The following CCSER1 variants were observed in gnomAD, a reference collection of about 807,000 sequenced individuals.
The protein encoded by CCSER1 is serine-rich coiled-coil domain-containing protein 1.
In CCSER1, 41 loss-of-function variants were observed where a neutral mutation model predicts 82.0. The observed-to-expected ratio is 0.50, with a 90% CI of 0.39 to 0.65. The LOEUF (loss-of-function observed/expected upper bound fraction) is 0.65, where lower values mean the gene tolerates loss of function less well. CCSER1 is among the 30% of genes least tolerant of loss of function. CCSER1 has a pLI of 0.00. For synonymous variants in CCSER1, 414 were observed against 383.9 expected, an observed-to-expected ratio of 1.08 and a Z score of -0.92; for missense variants, 1,119 against 1,064.2, an observed-to-expected ratio of 1.05 and a Z score of -0.72.
At chr4:91,405,053 G>A (rs1752606273) in intron 10 of CCSER1, among the ~76,000 whole-genome samples, 1 of 152,120 alleles carries the variant, frequency 6.6e-6, no homozygotes, top group Admixed American at 6.6e-5. Flanking sequence ...GGTCTCTAAG[G>A]ACTTGGCTTA....
chr4:90,312,725 T>A, intron 2 of CCSER1, 138 bp from the exon 3 acceptor site: 1 of 670,488 alleles, frequency 1.5e-6, no homozygotes, highest in African/African-American at 1.8e-5. Context: ...ACTAAACTGA[T>A]GCTATACATT....
chr4:91,375,342 G>C lies in CCSER1; in HGVS notation c.2218-223230G>C, dbSNP rs75620311. Among the ~76,000 whole-genome samples, 4 of 152,248 alleles carry C rather than the reference G, an allele frequency of 2.6e-5. No individual in the cohort carries two copies. The East Asian group carries it at 7.7e-4, about 29-fold the overall frequency. On this transcript the variant is annotated intron_variant, in intron 10 of 10. Coordinates refer to ENST00000509176, the MANE Select transcript of CCSER1 (RefSeq NM_001145065.2). Reference sequence around the variant, plus strand: ...CGAAACATTGTTAAAATGACCAGAAGTAAATTAGAACATTACATAAACTTA... The same window carrying C: ...CGAAACATTGTTAAAATGACCAGAACTAAATTAGAACATTACATAAACTTA...
intron 10 of CCSER1, among the ~76,000 whole-genome samples, chr4:91,323,605 C>A (rs184147326): frequency 7.2e-5 from 11 of 152,148 alleles, no homozygotes; most frequent in Admixed American, 5.9e-4. Flanking sequence ...AGATATTTAC[C>A]TGAATTTCAA....
At chr4:91,216,082 C>T (rs2149091988) in intron 10 of CCSER1, among the ~76,000 whole-genome samples, 1 of 152,234 alleles carries the variant, frequency 6.6e-6, no homozygotes, top group East Asian at 1.9e-4. Flanking sequence ...TATTTGACAT[C>T]TCACCTCATT....
At chr4:91,048,577 GAGA>G (rs1235691160) in intron 9 of CCSER1, among the ~76,000 whole-genome samples, 2 of 152,052 alleles carry the variant, frequency 1.3e-5, no homozygotes, top group Non-Finnish European at 2.9e-5. Context: ...TACAATAAGA[GAGA>G]AGGTTTATAA....
At chr4:91,477,879 C>A (rs1757678500) in intron 10 of CCSER1, among the ~76,000 whole-genome samples, 1 of 151,644 alleles carries the variant, frequency 6.6e-6, no homozygotes, top group Admixed American at 6.6e-5. Flanking sequence ...TATCTTTGAG[C>A]TAGAGGGCAT....
chr4:90,699,347 C>T (rs960439004), intron 6 of CCSER1, among the ~76,000 whole-genome samples: 2 of 152,064 alleles, frequency 1.3e-5, no homozygotes, highest in Non-Finnish European at 1.5e-5. Context: ...CGCCTGTAAT[C>T]CCAGCTACTC....
At chr4:90,556,588 T>TTA (rs1261987050) in intron 5 of CCSER1, among the ~76,000 whole-genome samples, 10 of 152,034 alleles carry the variant, frequency 6.6e-5, no homozygotes, top group Admixed American at 1.3e-4. Context: ...ATTTTGTATG[T>TTA]TATATATATT....
chr4:90,657,475 T>A (rs979538319), intron 6 of CCSER1, among the ~76,000 whole-genome samples: 3 of 152,162 alleles, frequency 2.0e-5, no homozygotes, highest in African/African-American at 7.2e-5. Flanking sequence ...TTCTGCATAG[T>A]TCTTCTGTTT....
intron 10 of CCSER1, among the ~76,000 whole-genome samples, chr4:91,241,473 C>T (rs1739358156): frequency 6.7e-6 from 1 of 148,450 alleles, no homozygotes; most frequent in Non-Finnish European, 1.5e-5. Flanking sequence ...CTACATACGC[C>T]AGCCACCACG....
intron 7 of CCSER1, among the ~76,000 whole-genome samples, chr4:90,754,698 T>A (rs954158766): frequency 2.0e-5 from 3 of 152,218 alleles, no homozygotes; most frequent in African/African-American, 7.2e-5. Context: ...CTACATCAAA[T>A]CTTTTTTCTG....
chr4:90,845,735 CA>C lies in CCSER1; in HGVS notation c.2094+29894del, dbSNP rs570718439. 4.4e-3 allele frequency among the ~76,000 whole-genome samples: 652 copies of C among 147,300 alleles called. 5 individuals carry two copies. The highest frequency in any genetic ancestry group is 0.015 in the African/African-American group (608 of 40,220). Reference sequence around the variant, plus strand: ...TTTTTTAAATTTAATTCCTGAACAACAAAAGTATATTTTCAGTATGTGAACA... The same window carrying C: ...TTTTTTAAATTTAATTCCTGAACAACAAAGTATATTTTCAGTATGTGAACA... On this transcript the variant is annotated intron_variant, in intron 8 of 10. Coordinates refer to ENST00000509176, the MANE Select transcript of CCSER1 (RefSeq NM_001145065.2).
intron 10 of CCSER1, among the ~76,000 whole-genome samples, chr4:91,189,732 G>A (rs1290001866): frequency 6.6e-6 from 1 of 151,422 alleles, no homozygotes; most frequent in Non-Finnish European, 1.5e-5. Context: ...TGTATATAAA[G>A]GCATATATAT....
At chr4:91,488,132 G>T (rs181952307) in intron 10 of CCSER1, among the ~76,000 whole-genome samples, 3 of 152,122 alleles carry the variant, frequency 2.0e-5, no homozygotes, top group African/African-American at 7.2e-5. Flanking sequence ...GGAAAAAAAC[G>T]CAGGGTGTTC....
chr4:90,247,662 A>G (rs1434883875), intron 1 of CCSER1, among the ~76,000 whole-genome samples: 1 of 152,138 alleles, frequency 6.6e-6, no homozygotes, highest in Non-Finnish European at 1.5e-5. Flanking sequence ...GGAAGCGACC[A>G]TCTTAGTATA....
At chr4:91,125,541 T>C (rs1296591955) in intron 10 of CCSER1, among the ~76,000 whole-genome samples, 6 of 151,710 alleles carry the variant, frequency 4.0e-5, no homozygotes, top group Non-Finnish European at 8.9e-5. Context: ...TTAGAAGATA[T>C]TTCTTACCTA....
chr4:90,545,982 G>A (rs987884903), intron 5 of CCSER1, among the ~76,000 whole-genome samples: 9 of 152,046 alleles, frequency 5.9e-5, no homozygotes, highest in Non-Finnish European at 1.3e-4. Context: ...TAAATACAGA[G>A]TACAGCATGC....
chr4:90,552,275 A>T (rs910686220), intron 5 of CCSER1, among the ~76,000 whole-genome samples: 1 of 152,208 alleles, frequency 6.6e-6, no homozygotes, highest in African/African-American at 2.4e-5. Context: ...TGATTGTTGA[A>T]TGAATCAATT....
intron 10 of CCSER1, among the ~76,000 whole-genome samples, chr4:91,355,998 T>C (rs1748803751): frequency 6.6e-6 from 1 of 152,250 alleles, no homozygotes; most frequent in Admixed American, 6.5e-5. Context: ...ATTCATTGGC[T>C]AATGGTGTCC....
Sources: allele counts gnomAD v4.1 joint callset (sites outside exome capture counted in the v4.1 genomes callset), GRCh38; gene constraint gnomAD v4.1.1; transcripts MANE v1.5; gene names NCBI Gene and HGNC (gene_info 2026-07-23, HGNC 2026-07-21).